EPHA3: variants seen among roughly 807,000 people sequenced by gnomAD.
EPHA3 encodes the protein EPH receptor A3.
A neutral mutation model predicts 107.1 loss-of-function variants in EPHA3; 42 were observed. The observed-to-expected ratio is 0.39, with a 90% CI of 0.31 to 0.51. EPHA3 has a LOEUF of 0.51. Among genes scored for constraint, EPHA3 ranks in the 20% least tolerant of loss-of-function variants. The pLI is 0.78. For synonymous variants in EPHA3, 461 were observed against 424.8 expected, an observed-to-expected ratio of 1.09 and a Z score of -1.05; for missense variants, 1,183 against 1,211.2, an observed-to-expected ratio of 0.98 and a Z score of 0.35.
At chr3:89,397,534 C>G (rs1708873800) in intron 6 of EPHA3, among the ~76,000 whole-genome samples, 2 of 151,196 alleles carry the variant, frequency 1.3e-5, no homozygotes, top group Non-Finnish European at 2.9e-5. Flanking sequence ...GAGAAATATG[C>G]TGCCTTATTT....
chr3:89,459,412 CCT>C (rs907595345), intron 15 of EPHA3, among the ~76,000 whole-genome samples: 7 of 151,836 alleles, frequency 4.6e-5, no homozygotes, highest in East Asian at 1.9e-4. Context: ...TCTTTCTCTT[CCT>C]CTTTTTCTTA....
At position 89,480,421 on chromosome 3, in the gene EPHA3, T is replaced by C. The variant is rs1365061360; in HGVS notation, c.*919T>C. 1 of 233,212 alleles carries C rather than the reference T, an allele frequency of 4.3e-6. No individual in the cohort carries two copies. Among genetic ancestry groups the C allele is most frequent in the Non-Finnish European group, 8.5e-6 (1 of 117,858 alleles). 14.4% of individuals were successfully genotyped at this position (233,212 alleles called of 1,614,324 possible). A position where few individuals can be genotyped will look rare whatever the true frequency, so the allele number is the denominator to read the frequency against. ...TAAACTGTATGCTCACAACTTAGTG[T>C]AATATACCAGCTTGTATGCAATGGA... On this transcript the variant is annotated 3_prime_UTR_variant, in exon 17 of 17. Coordinates refer to ENST00000336596, the MANE Select transcript of EPHA3 (RefSeq NM_005233.6).
chr3:89,208,856 G>T (rs1431615905), intron 2 of EPHA3, among the ~76,000 whole-genome samples: 1 of 152,158 alleles, frequency 6.6e-6, no homozygotes, highest in Non-Finnish European at 1.5e-5. Context: ...GAGATCCCTA[G>T]AAAACTTTAC....
At chr3:89,371,171 T>A (rs1272531205) in intron 5 of EPHA3, among the ~76,000 whole-genome samples, 1 of 151,784 alleles carries the variant, frequency 6.6e-6, no homozygotes, top group Non-Finnish European at 1.5e-5. Context: ...TTTGTTTGTT[T>A]GTTTTCATTC....
chr3:89,285,129 A>G (rs1490044688), intron 3 of EPHA3, among the ~76,000 whole-genome samples: 1 of 152,132 alleles, frequency 6.6e-6, no homozygotes, highest in African/African-American at 2.4e-5. Context: ...TCTCAAATAA[A>G]TAAATACAAT....
chr3:89,206,984 G>C (rs1404394002), intron 2 of EPHA3, among the ~76,000 whole-genome samples: 1 of 152,012 alleles, frequency 6.6e-6, no homozygotes, highest in Non-Finnish European at 1.5e-5. Context: ...CAGAAAATGA[G>C]TGCCTATCTT....
Position 89,136,330 on chromosome 3 carries a change from C to CTTTTTTTTTTTTTTTTTTTTTTTTT in EPHA3, c.153+9081_153+9082insTTTTTTTTTTTTTTTTTTTTTTTTT, listed in dbSNP as rs67054298. 2.6e-4 allele frequency among the ~76,000 whole-genome samples: 6 copies of CTTTTTTTTTTTTTTTTTTTTTTTTT among 23,384 alleles called. 1 individual carries two copies. Among genetic ancestry groups the CTTTTTTTTTTTTTTTTTTTTTTTTT allele is most frequent in the Non-Finnish European group, 4.7e-4 (6 of 12,828 alleles). The allele number at this position is 23,384 out of a possible 152,430, so 15.3% of individuals were successfully genotyped here. On this transcript the variant is annotated intron_variant, in intron 2 of 16. Transcript: ENST00000336596. Reference sequence around the variant, plus strand: ...GAAAAACATGGCAAAATCTTACAGGCTTTTTTTTTTTTTTTTTTTTTTTTG... The same window carrying CTTTTTTTTTTTTTTTTTTTTTTTTT: ...GAAAAACATGGCAAAATCTTACAGGCTTTTTTTTTTTTTTTTTTTTTTTTTTTTTTTTTTTTTTTTTTTTTTTTTG...
chr3:89,466,564 G>A lies in EPHA3; in HGVS notation c.2691-5900G>A, dbSNP rs1323509355. On this transcript the variant is annotated intron_variant, in intron 15 of 16. Transcript: ENST00000336596. Reference sequence around the variant, plus strand: ...CGTTTCTTAAGCCGGTCTGAAAAGCGCAATATTCGGGTGGGAGTGACCCGA... The same window carrying A: ...CGTTTCTTAAGCCGGTCTGAAAAGCACAATATTCGGGTGGGAGTGACCCGA... Among the ~76,000 whole-genome samples, 3 of 131,672 alleles carry A rather than the reference G, an allele frequency of 2.3e-5. 1 individual carries two copies. The highest frequency in any genetic ancestry group is 3.3e-5 in the Non-Finnish European group (2 of 60,634). The allele number at this position is 131,672 out of a possible 152,430, so 86.4% of individuals were successfully genotyped here.
chr3:89,197,880 G>T (rs1002893401), intron 2 of EPHA3, among the ~76,000 whole-genome samples: 6 of 152,086 alleles, frequency 3.9e-5, no homozygotes, highest in African/African-American at 1.2e-4. Context: ...GGAGGCTGAG[G>T]GGGGAGAATC....
chr3:89,113,168 A>G (rs2106943153), intron 1 of EPHA3, among the ~76,000 whole-genome samples: 1 of 152,218 alleles, frequency 6.6e-6, no homozygotes, highest in East Asian at 1.9e-4. Flanking sequence ...TATACAGAAA[A>G]CCAGGATTAG....
intron 3 of EPHA3, among the ~76,000 whole-genome samples, chr3:89,296,480 T>C (rs1252011614): frequency 6.6e-6 from 1 of 152,172 alleles, no homozygotes; most frequent in East Asian, 1.9e-4. Flanking sequence ...GAAAGAAATC[T>C]TTTTTTGAGC....
chr3:89,383,917 G>A (rs1228374801), intron 5 of EPHA3, among the ~76,000 whole-genome samples: 1 of 151,704 alleles, frequency 6.6e-6, no homozygotes, highest in African/African-American at 2.4e-5. Context: ...CAAAGTGCTG[G>A]GATTACAGGC....
Position 89,285,024 on chromosome 3 carries a change from C to CTGAG in EPHA3, c.815-55891_815-55888dup, listed in dbSNP as rs1706045763. Among the ~76,000 whole-genome samples, 2 of 151,982 alleles carry CTGAG rather than the reference C, an allele frequency of 1.3e-5. 1 individual carries two copies. The highest frequency in any genetic ancestry group is 4.2e-4 in the South Asian group (2 of 4,816). On this transcript the variant is annotated intron_variant, in intron 3 of 16. Coordinates refer to ENST00000336596, the MANE Select transcript of EPHA3 (RefSeq NM_005233.6). The stretch of plus-strand genomic sequence containing the variant: ...GCCTGTAATCCTGGCTACTCAGGGG[C>CTGAG]TGAGGCACGGGAATCACTAAACCCA...
intron 3 of EPHA3, among the ~76,000 whole-genome samples, chr3:89,296,130 T>C (rs550975673): frequency 2.6e-5 from 4 of 152,308 alleles, no homozygotes; most frequent in Admixed American, 2.0e-4. Flanking sequence ...ATGTCATCCA[T>C]AAGGATTGGA....
intron 15 of EPHA3, among the ~76,000 whole-genome samples, chr3:89,460,018 C>A (rs1710190408): frequency 6.6e-6 from 1 of 151,978 alleles, no homozygotes; most frequent in Non-Finnish European, 1.5e-5. Context: ...TAAATTTATT[C>A]ACTTATTTTA....
Position 89,337,315 on chromosome 3 carries a change from T to A in EPHA3, c.815-3601T>A, listed in dbSNP as rs529735466. 2.0e-5 allele frequency among the ~76,000 whole-genome samples: 3 copies of A among 152,324 alleles called. No homozygotes were observed. The East Asian group carries it at 5.8e-4, about 29-fold the overall frequency. ...GATTTTTATAAAATTAAAAGAAAGA[T>A]TCCTTCCCTGTTCAAACTATACCAT... On this transcript the variant is annotated intron_variant, in intron 3 of 16. Coordinates refer to ENST00000336596, the MANE Select transcript of EPHA3 (RefSeq NM_005233.6).
chr3:89,350,318 T>G (rs1213271449), intron 5 of EPHA3, among the ~76,000 whole-genome samples: 1 of 150,560 alleles, frequency 6.6e-6, no homozygotes, highest in African/African-American at 2.4e-5. Flanking sequence ...GCTCATTTCT[T>G]TTTATTCTTT....
intron 5 of EPHA3, among the ~76,000 whole-genome samples, chr3:89,383,768 C>T (rs1316760876): frequency 6.6e-6 from 1 of 151,104 alleles, no homozygotes; most frequent in African/African-American, 2.4e-5. Context: ...CCTGCCTCAG[C>T]CTCCCGAGTA....
chr3:89,285,099 G>C (rs779829533), intron 3 of EPHA3, among the ~76,000 whole-genome samples: 2 of 152,032 alleles, frequency 1.3e-5, no homozygotes, highest in Non-Finnish European at 2.9e-5. Context: ...CTCCAGCTTG[G>C]GCAACAGAGC....
Sources: gnomAD v4.1 joint callset for allele counts (sites outside exome capture counted in the v4.1 genomes callset) on GRCh38, gnomAD v4.1.1 for gene constraint, MANE v1.5 for transcripts, NCBI Gene and HGNC (gene_info 2026-07-23, HGNC 2026-07-21) for gene names.